Variants in TRPM1 observed in about 807,000 individuals in gnomAD.
The protein encoded by TRPM1 is transient receptor potential cation channel subfamily M member 1, also known as TRPM1-203 APA Isoform, Intron 10.
TRPM1 carries 113 observed loss-of-function variants against 149.4 expected under a neutral mutation model. That is an observed-to-expected ratio of 0.76 (90% CI 0.65 to 0.88). TRPM1 has a LOEUF of 0.88. Ranked by LOEUF, TRPM1 falls within the 40% of genes least tolerant of loss-of-function variation. TRPM1 has a pLI of 0.00. For synonymous variants in TRPM1, 741 were observed against 759.5 expected (o/e 0.98, Z 0.40); for missense variants, 1,976 against 2,038.7 (o/e 0.97, Z 0.59).
rs534699539 is a variant in TRPM1, at chr15:31,002,069, G to A, written c.4631C>T (p.Ser1544Phe). Residue 1544 changes from serine (S) to phenylalanine (F), a missense_variant, in exon 28 of 28, where the codon TCC (serine) becomes TTC (phenylalanine). Ser to Phe is a radical substitution (Grantham distance 155, BLOSUM62 -2). This residue lies in a region of TRPM1 where 572 missense variants were observed against 578.9 expected (regional missense o/e 0.99). Transcript: ENST00000256552. ...CCCATTTCTGTCAGTAATGGTTAGG[G>A]ACAAGCGAGGGATTCGAGGAATTGC... ...AEAIPRIPRL[S>F]LTITDRNGME... The A allele has an allele frequency of 6.2e-7, 1 of 1,614,226 alleles. No homozygotes were observed. Among genetic ancestry groups the A allele is most frequent in the African/African-American group, 1.3e-5 (1 of 75,062 alleles).
chr15:31,136,644 C>G (rs537401968), intron 1 of TRPM1, among the ~76,000 whole-genome samples: 1 of 152,064 alleles, frequency 6.6e-6, no homozygotes, highest in Non-Finnish European at 1.5e-5. Flanking sequence ...ATCCTTAACC[C>G]GAACGAAGTT....
At chr15:31,157,563 T>G (rs1421510130) in intron 1 of TRPM1, among the ~76,000 whole-genome samples, 1 of 152,152 alleles carries the variant, frequency 6.6e-6, no homozygotes, top group African/African-American at 2.4e-5. Flanking sequence ...GGGATAAAAG[T>G]GCAAGGCAGA....
At chr15:31,066,319 A>G in intron 6 of TRPM1, 72 bp from the exon 7 acceptor site, 3 of 1,542,418 alleles carry the variant, frequency 1.9e-6, no homozygotes, top group Non-Finnish European at 2.7e-6. Flanking sequence ...AGCAAGCACA[A>G]TACATATGTG....
At position 31,040,334 on chromosome 15, in the gene TRPM1, C is replaced by G. The variant is rs778853998; in HGVS notation, c.2100G>C (p.Gln700His). 3 of 1,614,198 alleles carry G rather than the reference C, an allele frequency of 1.9e-6. No homozygotes were observed. Among genetic ancestry groups the G allele is most frequent in the Non-Finnish European group, 1.7e-6 (2 of 1,180,034 alleles). ...ACTGGTCTAATAACTCCAAAGCAAGCTGGCCGAAGTCTCTGGGGGGAAAGA... is the reference window on the plus strand; with the variant it reads ...ACTGGTCTAATAACTCCAAAGCAAGGTGGCCGAAGTCTCTGGGGGGAAAGA... The part of the protein sequence containing the change: ...DLDNNSKDFG[Q>H]LALELLDQSY... The change falls in exon 18 of 28, where the codon CAG (glutamine) becomes CAC (histidine). Residue 700 changes from glutamine (Q) to histidine (H), a missense_variant. Physicochemically the swap from Gln to His is conservative, Grantham distance 24. Transcript: ENST00000256552. This position sits in a 1 kb window ranked among gnomAD's most constrained non-coding sequence, Gnocchi z 4.2.
At chr15:31,015,943 A>C (rs1343232684) in intron 27 of TRPM1, among the ~76,000 whole-genome samples, 1 of 152,152 alleles carries the variant, frequency 6.6e-6, no homozygotes, top group Non-Finnish European at 1.5e-5. Context: ...TCATCATCAA[A>C]ATTAAAAAAT....
In TRPM1 at chr15:31,042,158, AC is replaced by A; in HGVS notation, c.1879del (p.Val627Ter). The part of the protein sequence containing the change: ...EIDIDVDDPA[V>X]SRFQYPFHEL... ...GTGGAAGGGATACTGGAACCGACTCACGGCAGGGTCGTCCACATCAATGTCG... is the reference window on the plus strand; with the variant it reads ...GTGGAAGGGATACTGGAACCGACTCAGGCAGGGTCGTCCACATCAATGTCG... On this transcript the variant is annotated frameshift_variant, in exon 17 of 28. Coordinates refer to ENST00000256552, the MANE Select transcript of TRPM1 (RefSeq NM_001252024.2). LOFTEE classifies it high-confidence loss of function. 6.2e-7 allele frequency: 1 copy of A among 1,614,146 alleles called. No individual in the cohort carries two copies. Among genetic ancestry groups the A allele is most frequent in the Non-Finnish European group, 8.5e-7 (1 of 1,180,010 alleles).
At chr15:31,136,220 G>A (rs1020111517) in intron 1 of TRPM1, among the ~76,000 whole-genome samples, 2 of 152,084 alleles carry the variant, frequency 1.3e-5, no homozygotes. Context: ...GGAGAGCATC[G>A]GATCCAGGCT....
rs1566982344 is a variant in TRPM1, at chr15:31,002,836, G to A, written c.3864C>T (p.Ser1288=). Residue 1288 remains serine, a synonymous_variant, in exon 28 of 28, where the codon AGC becomes AGT. Coordinates refer to ENST00000256552, the MANE Select transcript of TRPM1 (RefSeq NM_001252024.2). ...TYLLRQSSIN[S]ADGYSLYRYH... is the part of the protein sequence containing the mutation. ...ATCGATACAAGCTGTAGCCATCAGC[G>A]CTATTGATGCTGCTTTGCCGGAGAA... 2 of 1,614,180 alleles carry A rather than the reference G, an allele frequency of 1.2e-6. No homozygotes were observed. The highest frequency in any genetic ancestry group is 2.2e-5 in the East Asian group (1 of 44,890).
At chr15:31,008,951 CAGAA>C (rs1207800214) in intron 27 of TRPM1, among the ~76,000 whole-genome samples, 1 of 152,166 alleles carries the variant, frequency 6.6e-6, no homozygotes, top group Non-Finnish European at 1.5e-5. Flanking sequence ...TTAAAGAACT[CAGAA>C]AGAGAAGACT....
At chr15:31,043,481 C>A (rs2033680422) in intron 16 of TRPM1, among the ~76,000 whole-genome samples, 1 of 152,176 alleles carries the variant, frequency 6.6e-6, no homozygotes, top group South Asian at 2.1e-4. Flanking sequence ...CATGAGCCAC[C>A]ACGCCCGGCC....
At chr15:31,104,845 T>C (rs905326852), upstream of TRPM1, among the ~76,000 whole-genome samples, 42 of 152,144 alleles carry the variant, frequency 2.8e-4, no homozygotes, top group Admixed American at 1.5e-3. Flanking sequence ...CCGCCCACCC[T>C]GGCCTCCCAA....
At chr15:31,033,029 T>C (rs759311212) in intron 21 of TRPM1, 89 bp from the exon 22 acceptor site, 18 of 1,575,566 alleles carry the variant, frequency 1.1e-5, no homozygotes, top group Non-Finnish European at 1.5e-5. Flanking sequence ...TGATGGAACA[T>C]TCCAGGTCAT....
chr15:31,006,732 C>T (rs542313797), intron 27 of TRPM1, among the ~76,000 whole-genome samples: 2 of 152,318 alleles, frequency 1.3e-5, no homozygotes, highest in East Asian at 1.9e-4. Flanking sequence ...TTTTTTATTC[C>T]TACTAGCAGT....
At chr15:31,004,650 A>G (rs1157279428) in intron 27 of TRPM1, among the ~76,000 whole-genome samples, 1 of 152,160 alleles carries the variant, frequency 6.6e-6, no homozygotes, top group Non-Finnish European at 1.5e-5. Flanking sequence ...TTCACCATGC[A>G]TGAGAAGTCC....
At chr15:31,098,993 T>C (rs568002393) in intron 1 of TRPM1, among the ~76,000 whole-genome samples, 89 of 152,314 alleles carry the variant, frequency 5.8e-4, no homozygotes, top group Non-Finnish European at 9.6e-4. Context: ...TTTCCCCACT[T>C]AGCAATTGAA....
intron 27 of TRPM1, among the ~76,000 whole-genome samples, chr15:31,014,781 G>T (rs1366295879): frequency 6.6e-6 from 1 of 152,194 alleles, no homozygotes; most frequent in Non-Finnish European, 1.5e-5. Flanking sequence ...GAGCTCTGGA[G>T]TTCATAACTT....
chr15:31,108,519 G>C (rs896816199), intron 1 of TRPM1, among the ~76,000 whole-genome samples: 43 of 152,102 alleles, frequency 2.8e-4, no homozygotes, highest in Non-Finnish European at 1.0e-4. Flanking sequence ...TTGAGATGGA[G>C]TTTTGCTCTT....
At chr15:31,110,931 T>G (rs745663116) in intron 1 of TRPM1, among the ~76,000 whole-genome samples, 2 of 150,062 alleles carry the variant, frequency 1.3e-5, no homozygotes, top group Non-Finnish European at 3.0e-5. Flanking sequence ...CCCTTCTGCT[T>G]TTTCTGCTCC....
rs116243599 is a variant in TRPM1 at position 31,008,868 on chromosome 15, A to G, written c.3630-5798T>C. Among the ~76,000 whole-genome samples the G allele has an allele frequency of 6.4e-3, 979 of 152,340 alleles. 12 individuals carry two copies. The highest frequency in any genetic ancestry group is 0.022 in the African/African-American group (910 of 41,574). On this transcript the variant is annotated intron_variant, in intron 27 of 27. Transcript: ENST00000256552. ...TAGCCCTTTGTGCTGCAGTTGTCAT[A>G]TATTGTATCCACATATATTGAAAAT...
Sources: gnomAD v4.1 joint callset for allele counts (sites outside exome capture counted in the v4.1 genomes callset) on GRCh38, gnomAD v4.1.1 for gene constraint, gnomAD v4.1.1 regional missense constraint, Gnocchi (gnomAD v3.1) non-coding constraint, MANE v1.5 for transcripts, NCBI Gene and HGNC (gene_info 2026-07-23, HGNC 2026-07-21) for gene names.